The following TRMT44 variants were observed in gnomAD, a reference collection of about 807,000 sequenced individuals.
TRMT44 encodes the protein probable tRNA (uracil-O(2)-)-methyltransferase.
TRMT44 carries 78 observed loss-of-function variants against 77.3 expected under a neutral mutation model. That is an observed-to-expected ratio of 1.01 (90% confidence interval 0.84 to 1.22). The LOEUF is 1.22. Ranked by LOEUF, TRMT44 falls within the 50% of genes most tolerant of loss-of-function variation. The pLI is 0.00. For missense variants in TRMT44, 1,090 were observed against 964.4 expected, an observed-to-expected ratio of 1.13 and a Z score of -1.73; for synonymous variants, 391 against 383.3, an observed-to-expected ratio of 1.02 and a Z score of -0.23.
chr4:8,487,293 A>G (rs1350689787), intron 2 of TRMT44, among the ~76,000 whole-genome samples: 1 of 151,926 alleles, frequency 6.6e-6, no homozygotes, highest in African/African-American at 2.4e-5. Flanking sequence ...GCTAAGGGAG[A>G]TGGAGGAATG....
At position 8,454,623 on chromosome 4, in the gene TRMT44, G is replaced by A. The variant is rs1431428796; in HGVS notation, c.1132-119G>A. 3.4e-6 allele frequency: 3 copies of A among 894,622 alleles called. No homozygotes were observed. In the Admixed American group the frequency reaches 6.2e-5, roughly 19 times the overall value. 55.4% of individuals were successfully genotyped at this position (894,622 alleles called of 1,614,324 possible). ...TCAGGATGGGTATGAGTTGCTGGCA[G>A]GAAGCTCTTCTCTTGCCCTTCGTCC... On this transcript the variant is annotated intron_variant, in intron 5 of 10. Transcript: ENST00000389737.
chr4:8,460,959 C>T (rs539693615), intron 6 of TRMT44, among the ~76,000 whole-genome samples: 5 of 152,190 alleles, frequency 3.3e-5, no homozygotes, highest in African/African-American at 7.2e-5. Context: ...AGTGATCTTC[C>T]CACCTCAGCC....
At chr4:8,497,925 G>C (rs34465110), downstream of TRMT44, among the ~76,000 whole-genome samples, 4 of 152,102 alleles carry the variant, frequency 2.6e-5, no homozygotes, top group South Asian at 2.1e-4. Context: ...GCTGGCGTGG[G>C]GGGGGCTGGG....
intron 6 of TRMT44, chr4:8,455,088 G>C: frequency 3.8e-6 from 2 of 523,064 alleles, no homozygotes; most frequent in East Asian, 3.1e-5. Flanking sequence ...CTTGTGTGGG[G>C]TGCTCCCGTG....
At chr4:8,508,363 G>A in the TRMT44 span, among the ~76,000 whole-genome samples, 1 of 152,220 alleles carries the variant, frequency 6.6e-6, no homozygotes, top group Non-Finnish European at 1.5e-5. Context: ...GCCGGGCCCT[G>A]AGGGTGGGTC....
chr4:8,507,728 G>C, the TRMT44 span, among the ~76,000 whole-genome samples: 1 of 152,328 alleles, frequency 6.6e-6, no homozygotes, highest in Admixed American at 6.5e-5. Flanking sequence ...TCCATGTACA[G>C]ACAGGAGTCC....
At position 8,475,849 on chromosome 4, in the gene TRMT44, A is replaced by C; in HGVS notation, c.2122A>C (p.Arg708=). Residue 708 remains arginine, a synonymous_variant, in exon 11 of 11, where the codon AGA becomes CGA. Coordinates refer to ENST00000389737, the MANE Select transcript of TRMT44 (RefSeq NM_152544.3). The stretch of plus-strand genomic sequence containing the variant: ...GACAAAGCAACCGGAAGCGAAACAG[A>C]GACTGCTCTCTGAAGCCTGCAAAAC... ...WKTKQPEAKQ[R]LLSEACKTRL... 1.2e-6 allele frequency: 2 copies of C among 1,614,170 alleles called. No individual in the cohort carries two copies. The highest frequency in any genetic ancestry group is 1.1e-5 in the South Asian group (1 of 91,086).
chr4:8,513,239 T>C, the TRMT44 span, among the ~76,000 whole-genome samples: 1 of 152,222 alleles, frequency 6.6e-6, no homozygotes, highest in Non-Finnish European at 1.5e-5. Context: ...CTCACAATCA[T>C]GGCAGAAGGC....
chr4:8,453,324 G>A (rs888730990), intron 5 of TRMT44: 6 of 165,654 alleles, frequency 3.6e-5, no homozygotes, highest in Non-Finnish European at 6.5e-5. Flanking sequence ...GAGATAAAAA[G>A]CAAGGCAGGT....
chr4:8,441,237 G>T lies in TRMT44; in HGVS notation c.415G>T (p.Ala139Ser). 1 of 1,535,492 alleles carries T rather than the reference G, an allele frequency of 6.5e-7. No homozygotes were observed. Among genetic ancestry groups the T allele is most frequent in the Non-Finnish European group, 8.7e-7 (1 of 1,146,514 alleles). ...HAEGREGDFP[A>S]ADLDSLWEDF... ...TGAAGGAAGGGAGGGCGACTTCCCCGCCGCAGATCTGGATTCGCTTTGGGA... is the reference window on the plus strand; with the variant it reads ...TGAAGGAAGGGAGGGCGACTTCCCCTCCGCAGATCTGGATTCGCTTTGGGA... Residue 139 changes from alanine to serine, a missense_variant, in exon 1 of 11, where the codon GCC (alanine) becomes TCC (serine). Transcript: ENST00000389737.
chr4:8,451,867 A>G lies in TRMT44; in HGVS notation c.955-93A>G, dbSNP rs1428192426. 9 of 1,110,888 alleles carry G rather than the reference A, an allele frequency of 8.1e-6. No homozygotes were observed. In the Admixed American group the frequency reaches 1.6e-4, roughly 20 times the overall value. The allele number at this position is 1,110,888 out of a possible 1,614,324, so 68.8% of individuals were successfully genotyped here. ...TCCTATTTTAGTGTACGATTAGTCC[A>G]GTTTGATTTATGCTTTATAGGGATA... On this transcript the variant is annotated intron_variant, in intron 3 of 10. Coordinates refer to ENST00000389737, the MANE Select transcript of TRMT44 (RefSeq NM_152544.3). The surrounding 1 kb of genome is among the most constrained non-coding windows in gnomAD (Gnocchi z 4.1).
At chr4:8,480,551 G>A (rs1296987969), downstream of TRMT44, among the ~76,000 whole-genome samples, 2 of 152,164 alleles carry the variant, frequency 1.3e-5, no homozygotes, top group African/African-American at 4.8e-5. Flanking sequence ...CTCTTAATGC[G>A]CTTGCTCTAG....
intron 10 of TRMT44, 52 bp from the exon 11 acceptor site, chr4:8,475,720 A>C (rs1300073765): frequency 6.4e-7 from 1 of 1,570,424 alleles, no homozygotes; most frequent in Non-Finnish European, 8.7e-7. Flanking sequence ...CTGGTGAATT[A>C]AGGAACTTTC....
the TRMT44 span, among the ~76,000 whole-genome samples, chr4:8,511,395 C>T: frequency 1.3e-5 from 2 of 152,158 alleles, no homozygotes; most frequent in African/African-American, 4.8e-5. Flanking sequence ...CCCTCCCCCA[C>T]AAAATGCCCA....
intron 2 of TRMT44, among the ~76,000 whole-genome samples, chr4:8,489,208 G>A (rs560169026): frequency 1.3e-5 from 2 of 152,314 alleles, no homozygotes; most frequent in South Asian, 2.1e-4. Context: ...GTCATTGCAT[G>A]GGATCACATT....
downstream of TRMT44, among the ~76,000 whole-genome samples, chr4:8,494,552 C>T (rs1728099014): frequency 6.6e-6 from 1 of 152,162 alleles, no homozygotes; most frequent in Admixed American, 6.5e-5. Context: ...CGTGGAAGCC[C>T]CTGCTTCCAG....
chr4:8,455,860 G>A (rs1725776425), intron 6 of TRMT44, among the ~76,000 whole-genome samples: 1 of 151,836 alleles, frequency 6.6e-6, no homozygotes, highest in African/African-American at 2.4e-5. Context: ...TAAATACATT[G>A]GAAAATTTTA....
chr4:8,449,949 C>CTTTTTTTTTCTTTTTTTTTTTTTTT, intron 3 of TRMT44, 61 bp downstream of exon 3: 3 of 238,690 alleles, frequency 1.3e-5, no homozygotes, highest in Non-Finnish European at 1.2e-5. Context: ...CTTTTCTTTT[C>CTTTTTTTTTCTTTTTTTTTTTTTTT]TTTTTTTTTT....
chr4:8,485,555 TA>T (rs1201920814), intron 2 of TRMT44, among the ~76,000 whole-genome samples: 1 of 152,098 alleles, frequency 6.6e-6, no homozygotes, highest in African/African-American at 2.4e-5. Flanking sequence ...GATTAGGTTT[TA>T]ATGGGATGGT....
Sources: gnomAD v4.1 joint callset for allele counts (sites outside exome capture counted in the v4.1 genomes callset) on GRCh38, gnomAD v4.1.1 for gene constraint, Gnocchi (gnomAD v3.1) non-coding constraint, MANE v1.5 for transcripts, NCBI Gene and HGNC (gene_info 2026-07-23, HGNC 2026-07-21) for gene names.